The following FLT3 variants were observed in gnomAD, a reference collection of about 807,000 sequenced individuals.
FLT3 encodes the protein fms related receptor tyrosine kinase 3.
FLT3 carries 46 observed loss-of-function variants against 126.6 expected under a neutral mutation model. The ratio of observed to expected loss-of-function variants is 0.36; its 90% CI spans 0.29 to 0.46. The LOEUF (loss-of-function observed/expected upper bound fraction) is 0.46. FLT3 is among the 20% of genes least tolerant of loss of function. The pLI is 1.00. For missense variants in FLT3, 1,069 were observed against 1,190.3 expected (o/e 0.90, Z 1.50); for synonymous variants, 404 against 434.4 (o/e 0.93, Z 0.87).
chr13:28,044,618 G>A (rs1236907618), intron 9 of FLT3, among the ~76,000 whole-genome samples: 1 of 152,148 alleles, frequency 6.6e-6, no homozygotes, highest in Non-Finnish European at 1.5e-5. Context: ...TCAGTACTTT[G>A]AGCATGTTTT....
chr13:28,012,596 G>A (rs1871488984), intron 23 of FLT3, among the ~76,000 whole-genome samples: 1 of 152,028 alleles, frequency 6.6e-6, no homozygotes, highest in South Asian at 2.1e-4. Flanking sequence ...CAGCTCACAA[G>A]TTCCCCACAA....
At chr13:28,044,351 G>C (rs1405425619) in intron 9 of FLT3, among the ~76,000 whole-genome samples, 1 of 151,332 alleles carries the variant, frequency 6.6e-6, no homozygotes. Context: ...TAGGGAGGCT[G>C]AGGCAGGAGA....
chr13:28,062,785 G>A (rs1181046902), intron 2 of FLT3, among the ~76,000 whole-genome samples: 4 of 138,996 alleles, frequency 2.9e-5, no homozygotes, highest in Non-Finnish European at 4.6e-5. Flanking sequence ...CAGATACACA[G>A]ACAGTAAGAA....
chr13:28,023,569 G>C (rs1872578104), intron 18 of FLT3, 92 bp from the exon 19 acceptor site: 2 of 1,382,106 alleles, frequency 1.4e-6, no homozygotes, highest in African/African-American at 1.4e-5. Flanking sequence ...CCAGAGTTAG[G>C]TGAGGTGCTA....
At chr13:28,040,014 G>T (rs78675579) in intron 9 of FLT3, among the ~76,000 whole-genome samples, 3,873 of 152,224 alleles carry the variant, frequency 0.025, 186 homozygotes, top group African/African-American at 0.086. Flanking sequence ...TGTTTTATAT[G>T]CACCTGCTGA....
chr13:28,035,585 T>C lies in FLT3; in HGVS notation c.1507A>G (p.Met503Val), dbSNP rs1192006372. The C allele has an allele frequency of 6.2e-7, 1 of 1,614,062 alleles. No homozygotes were observed. The highest frequency in any genetic ancestry group is 1.3e-5 in the African/African-American group (1 of 74,932). Residue 503 changes from methionine to valine, a missense_variant, in exon 12 of 24, where the codon ATG becomes GTG. Met to Val is a conservative substitution (Grantham distance 21). Coordinates refer to ENST00000241453, the MANE Select transcript of FLT3 (RefSeq NM_004119.3). ...GQWVSSSTLNMSEAIKGFLVK... is the reference protein window; with the variant it reads ...GQWVSSSTLNVSEAIKGFLVK... ...AGGAACCCTTTTATGGCTTCACTCA[T>C]GTTTAGAGTACTGCTCGACACCCAC...
intron 9 of FLT3, among the ~76,000 whole-genome samples, chr13:28,039,143 T>C (rs547218677): frequency 2.0e-5 from 3 of 152,240 alleles, no homozygotes; most frequent in African/African-American, 7.2e-5. Flanking sequence ...AGGGCTGCAG[T>C]GAGGAGGAAC....
At chr13:28,092,160 C>T (rs1482911772) in intron 1 of FLT3, among the ~76,000 whole-genome samples, 1 of 152,114 alleles carries the variant, frequency 6.6e-6, no homozygotes, top group Non-Finnish European at 1.5e-5. Context: ...CTGGGTAACC[C>T]CCGCCAGGAA....
chr13:28,046,332 A>G (rs1287500269), intron 9 of FLT3, among the ~76,000 whole-genome samples: 1 of 152,218 alleles, frequency 6.6e-6, no homozygotes, highest in Admixed American at 6.5e-5. Flanking sequence ...CCTTTTAGGT[A>G]TAAAGAGTAA....
intron 3 of FLT3, among the ~76,000 whole-genome samples, chr13:28,060,965 T>C (rs1190628890): frequency 6.6e-6 from 1 of 152,124 alleles, no homozygotes. Flanking sequence ...CACAGAAAGA[T>C]GCCATATATG....
chr13:28,085,128 G>C (rs540247544), intron 1 of FLT3, among the ~76,000 whole-genome samples: 13 of 151,830 alleles, frequency 8.6e-5, no homozygotes, highest in Admixed American at 2.0e-4. Context: ...CGGATCACCT[G>C]AGAAAGGAGT....
chr13:28,038,413 C>T (rs889757307), intron 9 of FLT3, among the ~76,000 whole-genome samples: 1 of 151,360 alleles, frequency 6.6e-6, no homozygotes, highest in Admixed American at 6.6e-5. Context: ...AGGCTTGTAC[C>T]GAAGATATCT....
chr13:28,070,646 C>A lies in FLT3; in HGVS notation c.44-34G>T, dbSNP rs768242826. 3 of 1,516,930 alleles carry A rather than the reference C, an allele frequency of 2.0e-6. No homozygotes were observed. In the Admixed American group the frequency reaches 5.3e-5, roughly 27 times the overall value. 94.0% of individuals were successfully genotyped at this position (1,516,930 alleles called of 1,614,324 possible). A position where few individuals can be genotyped will look rare whatever the true frequency, so the allele number is the denominator to read the frequency against. On this transcript the variant is annotated intron_variant, in intron 1 of 23. Transcript: ENST00000241453. ...CAAAATAAAAATGATAATGTTGATA[C>A]ATGCACACCTTAAAAAGAAAACATG...
At chr13:28,057,298 AAATATTGTG>A (rs1436730793) in intron 4 of FLT3, 40 bp downstream of exon 4, 1 of 856,288 alleles carries the variant, frequency 1.2e-6, no homozygotes, top group South Asian at 1.3e-5. Context: ...CACTCCTTTG[AAATATTGTG>A]GTATTCCAGG....
Position 28,048,287 on chromosome 13 carries a change from T to C in FLT3, c.1193A>G (p.Asp398Gly). ...TTTGTGGTCTCACCTGTATCCGTTA[T>C]CAAGACCCTTTTGCTCACAAGGAAA... ...KSFPCEQKGL[D>G]NGYSISKFCN... is the part of the protein sequence containing the mutation. Residue 398 changes from aspartate to glycine, a missense_variant, in exon 9 of 24, where the codon GAT becomes GGT. By Grantham distance (94) the Asp-to-Gly change is moderately conservative. Coordinates refer to ENST00000241453, the MANE Select transcript of FLT3 (RefSeq NM_004119.3). 2 of 1,613,602 alleles carry C rather than the reference T, an allele frequency of 1.2e-6. No individual in the cohort carries two copies. The highest frequency in any genetic ancestry group is 1.7e-6 in the Non-Finnish European group (2 of 1,179,740).
chr13:28,026,339 C>T (rs1218798139), intron 17 of FLT3, among the ~76,000 whole-genome samples: 6 of 118,592 alleles, frequency 5.1e-5, no homozygotes, highest in Non-Finnish European at 8.2e-5. Flanking sequence ...GGCAACAGAG[C>T]GAAACTCTGT....
chr13:28,099,207 G>A (rs1262288229), intron 1 of FLT3, among the ~76,000 whole-genome samples: 1 of 152,064 alleles, frequency 6.6e-6, no homozygotes, highest in East Asian at 1.9e-4. Flanking sequence ...TATACCTTTA[G>A]AAAGCCCATT....
At chr13:28,011,512 CA>C (rs58483438) in intron 23 of FLT3, among the ~76,000 whole-genome samples, 53,490 of 151,830 alleles carry the variant, frequency 0.35, 11,011 homozygotes, top group African/African-American at 0.57. Flanking sequence ...TGCCTTGCAC[CA>C]AACAAAAGTG....
chr13:28,045,269 CATTCT>C, intron 9 of FLT3, among the ~76,000 whole-genome samples: 1 of 152,312 alleles, frequency 6.6e-6, no homozygotes, highest in South Asian at 2.1e-4. Flanking sequence ...AATCTGTGTA[CATTCT>C]TGCGGGAGAG....
Sources: gnomAD v4.1 joint callset for allele counts (sites outside exome capture counted in the v4.1 genomes callset) on GRCh38, gnomAD v4.1.1 for gene constraint, MANE v1.5 for transcripts, NCBI Gene and HGNC (gene_info 2026-07-23, HGNC 2026-07-21) for gene names.